ZNF407: variants seen among roughly 807,000 people sequenced by gnomAD.
The protein encoded by ZNF407 is zinc finger protein 407.
Under a neutral mutation model 131.2 loss-of-function variants are expected in ZNF407, and 17 were observed. The ratio of observed to expected loss-of-function variants is 0.13; its 90% confidence interval spans 0.09 to 0.19. The LOEUF (loss-of-function observed/expected upper bound fraction) is 0.19. ZNF407 is among the 10% of genes least tolerant of loss of function. The pLI, the probability that ZNF407 is intolerant of heterozygous loss-of-function variation, is 1.00. For synonymous variants in ZNF407, 1,156 were observed against 1,062.0 expected (o/e 1.09, Z -1.72); for missense variants, 2,681 against 2,830.6 (o/e 0.95, Z 1.20).
intron 8 of ZNF407, among the ~76,000 whole-genome samples, chr18:74,942,136 A>G (rs553040754): frequency 6.6e-6 from 1 of 152,264 alleles, no homozygotes; most frequent in African/African-American, 2.4e-5. Flanking sequence ...CTAAGGTATT[A>G]TTAATATAAA....
intron 8 of ZNF407, among the ~76,000 whole-genome samples, chr18:75,054,375 A>G (rs1377485037): frequency 6.6e-6 from 1 of 152,234 alleles, no homozygotes; most frequent in African/African-American, 2.4e-5. Context: ...AATGAAGACA[A>G]ATGTCTGTTT....
chr18:74,635,565 G>GTGAA lies in ZNF407; in HGVS notation c.4548_4551dup (p.Lys1518GlufsTer2). ...ACAGCATGAGGAATTGCTGCGGGAG[G>GTGAA]TGAATAAGTATATAGTGGAAGACAC... On this transcript the variant is annotated frameshift_variant, in exon 2 of 9. Coordinates refer to ENST00000299687, the MANE Select transcript of ZNF407 (RefSeq NM_017757.3). LOFTEE classifies it high-confidence loss of function. This position sits in a 1 kb window ranked among gnomAD's most constrained non-coding sequence, Gnocchi z 4.7. The GTGAA allele has an allele frequency of 6.2e-7, 1 of 1,613,940 alleles. No homozygotes were observed. Among genetic ancestry groups the GTGAA allele is most frequent in the Non-Finnish European group, 8.5e-7 (1 of 1,179,854 alleles).
At chr18:74,729,915 A>G (rs1378985468) in intron 3 of ZNF407, among the ~76,000 whole-genome samples, 1 of 152,244 alleles carries the variant, frequency 6.6e-6, no homozygotes, top group Non-Finnish European at 1.5e-5. Context: ...TTTGGCAGTG[A>G]TGCATTATAT....
intron 3 of ZNF407, among the ~76,000 whole-genome samples, chr18:74,641,396 G>T (rs1984709661): frequency 6.6e-6 from 1 of 152,050 alleles, no homozygotes; most frequent in Non-Finnish European, 1.5e-5. Context: ...CATTCACATT[G>T]CCAGAGAGAA....
chr18:74,863,872 C>T lies in ZNF407; in HGVS notation c.4878-13325C>T, dbSNP rs115955718. On this transcript the variant is annotated intron_variant, in intron 4 of 8. Transcript: ENST00000299687. Reference sequence around the variant, plus strand: ...TTCCACCACCTTTGCATATCTGAACCTCTGGTTTTATAGTATTATAAAGTT... The same window carrying T: ...TTCCACCACCTTTGCATATCTGAACTTCTGGTTTTATAGTATTATAAAGTT... 5.8e-3 allele frequency among the ~76,000 whole-genome samples: 877 copies of T among 152,188 alleles called. 12 individuals carry two copies. The highest frequency in any genetic ancestry group is 0.02 in the African/African-American group (839 of 41,510).
At chr18:75,032,862 T>C (rs1424271729) in intron 8 of ZNF407, among the ~76,000 whole-genome samples, 5 of 128,442 alleles carry the variant, frequency 3.9e-5, no homozygotes, top group East Asian at 2.5e-4. Flanking sequence ...GGGGGGAAGA[T>C]AGTATTAGAT....
At chr18:75,003,937 A>G (rs563818706) in intron 8 of ZNF407, among the ~76,000 whole-genome samples, 1 of 152,354 alleles carries the variant, frequency 6.6e-6, no homozygotes, top group Admixed American at 6.5e-5. Flanking sequence ...GCAGCAGGGC[A>G]GCAAATGATA....
intron 3 of ZNF407, among the ~76,000 whole-genome samples, chr18:74,664,646 A>G (rs896818507): frequency 6.6e-6 from 1 of 151,980 alleles, no homozygotes; most frequent in African/African-American, 2.4e-5. Flanking sequence ...AGCCTTAAAA[A>G]TCCTGGTATT....
rs1442644044 is a variant in ZNF407, at chr18:74,631,744, A to C, written c.725A>C (p.Lys242Thr). The C allele has an allele frequency of 6.2e-7, 1 of 1,613,928 alleles. No individual in the cohort carries two copies. Among genetic ancestry groups the C allele is most frequent in the Non-Finnish European group, 8.5e-7 (1 of 1,179,906 alleles). Residue 242 changes from lysine (K) to threonine (T), a missense_variant, in exon 2 of 9, where the codon AAG becomes ACG. By Grantham distance (78) the Lys-to-Thr change is moderately conservative. This residue lies in a region of ZNF407 where 1,789 missense variants were observed against 1,748.7 expected (regional missense o/e 1.02). Transcript: ENST00000299687. ...MHIKQAHGPQ[K>T]VFSCDLCGFQ... ...ATCAAACAAGCACATGGGCCACAGA[A>C]GGTCTTTTCCTGTGATCTTTGTGGT...
intron 4 of ZNF407, among the ~76,000 whole-genome samples, chr18:74,834,064 T>C (rs950995381): frequency 6.6e-6 from 1 of 152,272 alleles, no homozygotes; most frequent in Non-Finnish European, 1.5e-5. Context: ...ATCCTGAAGT[T>C]GTTTGAAAAA....
intron 4 of ZNF407, among the ~76,000 whole-genome samples, chr18:74,845,505 C>T (rs1568238889): frequency 2.0e-5 from 3 of 152,132 alleles, no homozygotes. Context: ...TTTTTATTCC[C>T]ATTTAATTTC....
At chr18:74,609,780 A>G (rs1246180851) in intron 1 of ZNF407, among the ~76,000 whole-genome samples, 1 of 152,240 alleles carries the variant, frequency 6.6e-6, no homozygotes, top group Non-Finnish European at 1.5e-5. Context: ...ATAGGGAACC[A>G]TCATCATGTA....
chr18:74,885,873 A>G (rs748026480), intron 6 of ZNF407, among the ~76,000 whole-genome samples: 4 of 152,206 alleles, frequency 2.6e-5, no homozygotes, highest in Non-Finnish European at 5.9e-5. Flanking sequence ...AGAAGAAAAC[A>G]TAGGTGAAAA....
intron 8 of ZNF407, among the ~76,000 whole-genome samples, chr18:74,984,928 C>G (rs186579385): frequency 4.0e-4 from 61 of 152,244 alleles, no homozygotes; most frequent in African/African-American, 1.3e-3. Flanking sequence ...AAGATCTGTT[C>G]ATTTATTTTT....
intron 8 of ZNF407, among the ~76,000 whole-genome samples, chr18:75,017,329 G>A (rs979814013): frequency 1.3e-5 from 2 of 152,098 alleles, no homozygotes; most frequent in African/African-American, 4.8e-5. Flanking sequence ...AACCTCTCAG[G>A]TTAATTGCTC....
At chr18:74,699,155 G>C (rs1376670661) in intron 3 of ZNF407, among the ~76,000 whole-genome samples, 1 of 151,818 alleles carries the variant, frequency 6.6e-6, no homozygotes, top group Non-Finnish European at 1.5e-5. Context: ...AAATATCTTT[G>C]GGTCCAATTT....
At chr18:74,884,011 T>C (rs1226763955) in intron 6 of ZNF407, among the ~76,000 whole-genome samples, 1 of 152,200 alleles carries the variant, frequency 6.6e-6, no homozygotes, top group Non-Finnish European at 1.5e-5. Flanking sequence ...AGCCAATATC[T>C]TACTTAGATT....
At chr18:74,785,486 G>A (rs548318454) in intron 4 of ZNF407, among the ~76,000 whole-genome samples, 11 of 152,228 alleles carry the variant, frequency 7.2e-5, no homozygotes, top group Non-Finnish European at 1.5e-4. Flanking sequence ...ATGTAATTGC[G>A]GAGAGATGTC....
intron 8 of ZNF407, among the ~76,000 whole-genome samples, chr18:75,053,739 G>A (rs1258282069): frequency 2.0e-5 from 3 of 152,184 alleles, no homozygotes; most frequent in Non-Finnish European, 2.9e-5. Flanking sequence ...CGTCCAGTCC[G>A]CCCACTCGGT....
Sources: gnomAD v4.1 joint callset for allele counts (sites outside exome capture counted in the v4.1 genomes callset) on GRCh38, gnomAD v4.1.1 for gene constraint, gnomAD v4.1.1 regional missense constraint, Gnocchi (gnomAD v3.1) non-coding constraint, MANE v1.5 for transcripts, NCBI Gene and HGNC (gene_info 2026-07-23, HGNC 2026-07-21) for gene names.